Variants in URB1 observed in about 807,000 individuals in gnomAD.
URB1 encodes the protein URB1 ribosome biogenesis factor, also known as nucleolar pre-ribosomal-associated protein 1.
Under a neutral mutation model 242.3 loss-of-function variants are expected in URB1, and 197 were observed. The ratio of observed to expected loss-of-function variants is 0.81; its 90% CI spans 0.72 to 0.91. URB1 has a LOEUF of 0.91. URB1 is among the 40% of genes least tolerant of loss of function. URB1 has a pLI of 0.00. For missense variants in URB1, 2,721 were observed against 2,860.5 expected, an observed-to-expected ratio of 0.95 and a Z score of 1.11; for synonymous variants, 1,153 against 1,201.8, an observed-to-expected ratio of 0.96 and a Z score of 0.84.
At chr21:32,329,786 A>T (rs180741489) in intron 30 of URB1, among the ~76,000 whole-genome samples, 2 of 152,266 alleles carry the variant, frequency 1.3e-5, no homozygotes, top group East Asian at 3.9e-4. Context: ...CTGGACCCAG[A>T]TGCCACCGCA....
In URB1 at chr21:32,347,220, G is replaced by A; in HGVS notation, c.3604C>T (p.His1202Tyr). The A allele has an allele frequency of 6.4e-7, 1 of 1,550,644 alleles. No homozygotes were observed. ...AGCACAGGGTCTCTCTGCAGAGTGT[G>A]GAGGAGCACTGTGTCCAGCTCGTCC... ...AVDELDTVLL[H>Y]TLQRDPVLAP... Residue 1202 changes from histidine (H) to tyrosine (Y), a missense_variant, in exon 22 of 39, where the codon CAC (histidine) becomes TAC (tyrosine). Physicochemically the swap from His to Tyr is moderately conservative, Grantham distance 83 (BLOSUM62 2). Coordinates refer to ENST00000382751, the MANE Select transcript of URB1 (RefSeq NM_014825.3).
rs1432419854 is a variant in URB1 at position 32,352,896 on chromosome 21, A to G, written c.2427T>C (p.Val809=). 1 of 1,546,738 alleles carries G rather than the reference A, an allele frequency of 6.5e-7. No homozygotes were observed. The highest frequency in any genetic ancestry group is 1.4e-5 in the African/African-American group (1 of 72,900). The change falls in exon 19 of 39, where the codon GTT becomes GTC. Residue 809 remains valine (V), a synonymous_variant. Coordinates refer to ENST00000382751, the MANE Select transcript of URB1 (RefSeq NM_014825.3). ...LGTGNEAAEN[V]VTYLTAVLTD... ...TCAGCACTGCCGTCAGATATGTCACAACGTTTTCCGCTGCAAAGGAACGAG... is the reference window on the plus strand; with the variant it reads ...TCAGCACTGCCGTCAGATATGTCACGACGTTTTCCGCTGCAAAGGAACGAG...
At chr21:32,378,855 G>C (rs1348540875) in intron 4 of URB1, among the ~76,000 whole-genome samples, 2 of 152,108 alleles carry the variant, frequency 1.3e-5, no homozygotes, top group Non-Finnish European at 2.9e-5. Context: ...TTCGTTTCTT[G>C]GCCACTTTGG....
intron 1 of URB1, among the ~76,000 whole-genome samples, chr21:32,392,025 TAA>T (rs1198638702): frequency 1.3e-5 from 2 of 148,248 alleles, no homozygotes; most frequent in Non-Finnish European, 3.0e-5. Context: ...CCCTGTCGTT[TAA>T]AAAAAAAAAT....
At chr21:32,325,976 G>A (rs1057472152) in intron 30 of URB1, among the ~76,000 whole-genome samples, 4 of 152,138 alleles carry the variant, frequency 2.6e-5, no homozygotes, top group African/African-American at 7.2e-5. Context: ...CAAAAGCTAC[G>A]GTCCAGAGAG....
At position 32,317,232 on chromosome 21, in the gene URB1, G is replaced by A. The variant is rs531054644; in HGVS notation, c.6035-167C>T. On this transcript the variant is annotated intron_variant, in intron 37 of 38. Coordinates refer to ENST00000382751, the MANE Select transcript of URB1 (RefSeq NM_014825.3). ...TGGTGAGTGCTCGATGTTTCACTAC[G>A]CCTGTCATCACTGTTATTATAACCA... Among the ~76,000 whole-genome samples, 29 of 152,262 alleles carry A rather than the reference G, an allele frequency of 1.9e-4. No homozygotes were observed. The East Asian group carries it at 5.2e-3, about 27-fold the overall frequency.
At chr21:32,378,085 A>G (rs1301177025) in intron 5 of URB1, among the ~76,000 whole-genome samples, 1 of 152,200 alleles carries the variant, frequency 6.6e-6, no homozygotes, top group Non-Finnish European at 1.5e-5. Context: ...TTAAAACGAC[A>G]TCTCCCAAGG....
In URB1 at chr21:32,359,812, A is replaced by G. The variant is rs1437237315; in HGVS notation, c.1853T>C (p.Leu618Pro). 1 of 1,546,886 alleles carries G rather than the reference A, an allele frequency of 6.5e-7. No individual in the cohort carries two copies. The highest frequency in any genetic ancestry group is 2.5e-5 in the East Asian group (1 of 40,704). ...VALELPASKF[L>P]WLKAQEGPDA... ...GCTTCCTACCTGTGCCTTTAACCAC[A>G]GAAACTTGCTGGCCGGCAGCTCCAG... Residue 618 changes from leucine (L) to proline (P), a missense_variant, in exon 14 of 39, where the codon CTG becomes CCG. Physicochemically the swap from Leu to Pro is moderately conservative, Grantham distance 98 (BLOSUM62 -3). Transcript: ENST00000382751.
intron 8 of URB1, among the ~76,000 whole-genome samples, chr21:32,371,094 T>G (rs979612623): frequency 8.5e-5 from 13 of 152,306 alleles, no homozygotes; most frequent in Middle Eastern, 3.4e-3. Context: ...GAAAGGGCTG[T>G]CCGGGAAGGC....
At chr21:32,354,216 C>A in intron 17 of URB1, 113 bp from the exon 18 acceptor site, 1 of 1,211,438 alleles carries the variant, frequency 8.3e-7, no homozygotes, top group South Asian at 1.5e-5. Flanking sequence ...AAGCCAAATT[C>A]CTCTTGGGGG....
In URB1 at chr21:32,378,499, A is replaced by G. The variant is rs2033485070; in HGVS notation, c.610T>C (p.Ser204Pro). 1.3e-6 allele frequency: 2 copies of G among 1,551,618 alleles called. No individual in the cohort carries two copies. Among genetic ancestry groups the G allele is most frequent in the Non-Finnish European group, 1.7e-6 (2 of 1,147,010 alleles). Residue 204 changes from serine (S) to proline (P), a missense_variant, in exon 5 of 39, where the codon TCC becomes CCC. Ser to Pro is a moderately conservative substitution (Grantham distance 74). Transcript: ENST00000382751. Reference sequence around the variant, plus strand: ...CTGTCATCACCCGCAATTAAAAAGGAGAGAGCAAACTGAACGTAGGCCTGC... The same window carrying G: ...CTGTCATCACCCGCAATTAAAAAGGGGAGAGCAAACTGAACGTAGGCCTGC... The part of the protein sequence containing the change: ...VRQAYVQFAL[S>P]FLIAGDDSTI...
At chr21:32,355,366 G>A in intron 16 of URB1, 83 bp downstream of exon 16, 1 of 1,211,376 alleles carries the variant, frequency 8.3e-7, no homozygotes, top group East Asian at 2.6e-5. Flanking sequence ...TGGTGCTGGT[G>A]CATCAAAAAT....
At chr21:32,327,704 G>A (rs2032845916) in intron 30 of URB1, among the ~76,000 whole-genome samples, 1 of 152,188 alleles carries the variant, frequency 6.6e-6, no homozygotes, top group Non-Finnish European at 1.5e-5. Flanking sequence ...GAAATGTAAT[G>A]CATGACAAGA....
intron 5 of URB1, among the ~76,000 whole-genome samples, chr21:32,375,731 G>GGCCA (rs1258163504): frequency 6.6e-5 from 10 of 151,912 alleles, no homozygotes; most frequent in Non-Finnish European, 2.9e-5. Context: ...GATCCCTTGA[G>GGCCA]GCCAGGAGTT....
At position 32,368,492 on chromosome 21, in the gene URB1, A is replaced by G; in HGVS notation, c.1108T>C (p.Leu370=). The part of the protein sequence containing the change: ...VVNILKVCPD[L]LNKYFKEVTF... ...ACTTCCTTGAAGTATTTGTTCAGTA[A>G]GTCCGGGCACACTTTGAGGATGTTT... Residue 370 remains leucine (L), a synonymous_variant, in exon 9 of 39, where the codon TTA becomes CTA. Transcript: ENST00000382751. The G allele has an allele frequency of 6.4e-7, 1 of 1,551,892 alleles. No individual in the cohort carries two copies. Among genetic ancestry groups the G allele is most frequent in the Non-Finnish European group, 8.7e-7 (1 of 1,147,054 alleles).
rs1307132125 is a variant in URB1, at chr21:32,383,546, C to G, written c.443G>C (p.Arg148Pro). 1.3e-6 allele frequency: 2 copies of G among 1,551,266 alleles called. No individual in the cohort carries two copies. The highest frequency in any genetic ancestry group is 1.2e-5 in the South Asian group (1 of 84,016). The change falls in exon 4 of 39, where the codon CGC (arginine) becomes CCC (proline). Residue 148 changes from arginine (R) to proline (P), a missense_variant. Physicochemically the swap from Arg to Pro is moderately radical, Grantham distance 103. Coordinates refer to ENST00000382751, the MANE Select transcript of URB1 (RefSeq NM_014825.3). ...SLYASGYRLA[R>P]ACLSLMTAMV... ...GGCGGTCATCAGGCTCAGGCAGGCG[C>G]GAGCCAACCTGCACAGGGAACCAGA...
intron 37 of URB1, 48 bp from the exon 38 acceptor site, chr21:32,317,113 C>G: frequency 6.8e-7 from 1 of 1,466,484 alleles, no homozygotes; most frequent in Non-Finnish European, 9.0e-7. Flanking sequence ...TCCCTCCTGC[C>G]CACACAGATC....
chr21:32,311,830 G>GC lies in URB1; in HGVS notation c.*3087dup. On this transcript the variant is annotated 3_prime_UTR_variant, in exon 39 of 39. Coordinates refer to ENST00000382751, the MANE Select transcript of URB1 (RefSeq NM_014825.3). ...TCAGTGGAGCCAGGGAGCAGAACTG[G>GC]CCCTGACCAGCCGCTACGACAGGAG... 6.2e-7 allele frequency: 1 copy of GC among 1,613,680 alleles called. No individual in the cohort carries two copies. The highest frequency in any genetic ancestry group is 8.5e-7 in the Non-Finnish European group (1 of 1,180,028).
chr21:32,389,765 C>A (rs2033619245), intron 1 of URB1, among the ~76,000 whole-genome samples: 1 of 152,180 alleles, frequency 6.6e-6, no homozygotes, highest in Non-Finnish European at 1.5e-5. Flanking sequence ...TTCTCTATCA[C>A]CAGTGGAGTC....
Sources: allele counts gnomAD v4.1 joint callset (sites outside exome capture counted in the v4.1 genomes callset), GRCh38; gene constraint gnomAD v4.1.1; transcripts MANE v1.5; gene names NCBI Gene and HGNC (gene_info 2026-07-23, HGNC 2026-07-21).